Variants in MAP4 observed in about 807,000 individuals in gnomAD.
MAP4 encodes microtubule-associated protein 4.
Under a neutral mutation model 170.2 loss-of-function variants are expected in MAP4, and 76 were observed. The ratio of observed to expected loss-of-function variants is 0.45; its 90% CI spans 0.37 to 0.54. MAP4 has a LOEUF of 0.54. Ranked by LOEUF, MAP4 falls within the 20% of genes least tolerant of loss-of-function variation. MAP4 has a pLI of 0.00. For missense variants in MAP4, 2,506 were observed against 2,748.0 expected, an observed-to-expected ratio of 0.91 and a Z score of 1.97; for synonymous variants, 909 against 994.5, an observed-to-expected ratio of 0.91 and a Z score of 1.62.
At chr3:47,882,144 TG>T (rs1251477133) in intron 10 of MAP4, among the ~76,000 whole-genome samples, 1 of 152,000 alleles carries the variant, frequency 6.6e-6, no homozygotes, top group Non-Finnish European at 1.5e-5. Flanking sequence ...CCGGGCGTTG[TG>T]GTGGGCGCCT....
chr3:47,943,604 TC>T (rs942062128), intron 3 of MAP4, among the ~76,000 whole-genome samples: 3 of 149,150 alleles, frequency 2.0e-5, no homozygotes, highest in South Asian at 2.1e-4. Context: ...CAGGACTCTT[TC>T]CCCCACTCTC....
intron 1 of MAP4, among the ~76,000 whole-genome samples, chr3:48,025,770 C>T (rs2100112741): frequency 6.6e-6 from 1 of 151,624 alleles, no homozygotes; most frequent in Non-Finnish European, 1.5e-5. Flanking sequence ...CGTGGTGGTG[C>T]ACACCCATAA....
chr3:48,022,897 GAA>G (rs35128918), intron 1 of MAP4, among the ~76,000 whole-genome samples: 86 of 150,686 alleles, frequency 5.7e-4, no homozygotes, highest in Middle Eastern at 7.0e-3. Flanking sequence ...TCTCAGGGGG[GAA>G]AAAAAAAAAT....
intron 1 of MAP4, among the ~76,000 whole-genome samples, chr3:48,048,506 C>A (rs1055253467): frequency 1.5e-5 from 1 of 66,994 alleles, no homozygotes; most frequent in Non-Finnish European, 2.5e-5. Flanking sequence ...TCTCAATTAT[C>A]TTTTTTTTTT....
Position 47,856,836 on chromosome 3 carries a change from A to C in MAP4, c.6583+595T>G, listed in dbSNP as rs2057371099. Among the ~76,000 whole-genome samples the C allele has an allele frequency of 2.6e-5, 4 of 152,188 alleles. No homozygotes were observed. In the South Asian group the frequency reaches 8.3e-4, roughly 31 times the overall value. ...GCTGCTACAGCAGTCCTACTCACAA[A>C]TCTGCTGTAGACCCAGGAACTAGGA... On this transcript the variant is annotated intron_variant, in intron 18 of 20. Coordinates refer to ENST00000683076, the MANE Select transcript of MAP4 (RefSeq NM_001385682.1).
chr3:48,016,777 C>T (rs2100108011), upstream of MAP4, among the ~76,000 whole-genome samples: 1 of 95,840 alleles, frequency 1.0e-5, no homozygotes. Flanking sequence ...ATTCTAAAGG[C>T]ATTTTTTTTT....
chr3:47,987,191 G>A (rs1459395693), intron 2 of MAP4, among the ~76,000 whole-genome samples: 3 of 152,132 alleles, frequency 2.0e-5, no homozygotes, highest in Non-Finnish European at 2.9e-5. Flanking sequence ...ACTTGAGGTC[G>A]CTAGTAAACT....
intron 2 of MAP4, among the ~76,000 whole-genome samples, chr3:47,998,369 G>C (rs1322601363): frequency 6.6e-6 from 1 of 152,188 alleles, no homozygotes; most frequent in Non-Finnish European, 1.5e-5. Context: ...AGGCACAGTA[G>C]ACAGTTTAAT....
chr3:48,051,041 TCA>T (rs1251605438), intron 1 of MAP4, among the ~76,000 whole-genome samples: 1 of 151,694 alleles, frequency 6.6e-6, no homozygotes, highest in Non-Finnish European at 1.5e-5. Context: ...CATCTTGGAT[TCA>T]CAGTCTATGC....
chr3:48,044,549 G>C (rs1479282103), intron 1 of MAP4, among the ~76,000 whole-genome samples: 1 of 151,936 alleles, frequency 6.6e-6, no homozygotes. Flanking sequence ...GATCACTTGA[G>C]GTCAGGAGTT....
intron 1 of MAP4, among the ~76,000 whole-genome samples, chr3:48,080,874 G>C (rs1008051936): frequency 6.6e-6 from 1 of 151,844 alleles, no homozygotes; most frequent in African/African-American, 2.4e-5. Context: ...CCTGTAATCC[G>C]AGCACTTTGG....
chr3:48,061,867 C>G lies in MAP4; in HGVS notation c.-20+26906G>C, dbSNP rs1412053807. Among the ~76,000 whole-genome samples, 153 of 149,906 alleles carry G rather than the reference C, an allele frequency of 1.0e-3. 1 individual carries two copies. The highest frequency in any genetic ancestry group is 3.5e-3 in the African/African-American group (142 of 40,838). The stretch of plus-strand genomic sequence containing the variant: ...GGGCAGCCCCCGCCCGGCCAGCCAC[C>G]CCGTCCGGGAGGTGGGGGGCGCCTC... On this transcript the variant is annotated intron_variant, in intron 1 of 18. Transcript: ENST00000360240.
At chr3:47,904,725 T>A (rs1352304702) in intron 9 of MAP4, among the ~76,000 whole-genome samples, 1 of 151,548 alleles carries the variant, frequency 6.6e-6, no homozygotes, top group Non-Finnish European at 1.5e-5. Flanking sequence ...GAGGGCAGTG[T>A]TGTGATCTTG....
chr3:47,979,051 G>A (rs2100083852), intron 2 of MAP4, among the ~76,000 whole-genome samples: 1 of 151,770 alleles, frequency 6.6e-6, no homozygotes, highest in African/African-American at 2.4e-5. Context: ...TAATTTTTAT[G>A]AAGTAGGTCA....
At chr3:48,077,997 T>A (rs1383043197) in intron 1 of MAP4, among the ~76,000 whole-genome samples, 1 of 152,118 alleles carries the variant, frequency 6.6e-6, no homozygotes, top group Non-Finnish European at 1.5e-5. Context: ...AGATGATTAG[T>A]GGTTGCCAGA....
chr3:47,957,738 T>C (rs752146062), intron 3 of MAP4, among the ~76,000 whole-genome samples: 6 of 152,150 alleles, frequency 3.9e-5, no homozygotes, highest in African/African-American at 1.4e-4. Flanking sequence ...CTAATTAAAA[T>C]AGGGAATTGA....
intron 3 of MAP4, among the ~76,000 whole-genome samples, chr3:47,968,372 T>C (rs961095335): frequency 4.6e-5 from 7 of 152,288 alleles, no homozygotes; most frequent in Non-Finnish European, 1.0e-4. Flanking sequence ...CTCCATATAT[T>C]GAAAGGGATT....
rs540861879 is a variant in MAP4, at chr3:48,008,153, G to A, written c.-20+8181C>T. On this transcript the variant is annotated intron_variant, in intron 1 of 20. Coordinates refer to ENST00000683076, the MANE Select transcript of MAP4 (RefSeq NM_001385682.1). ...AAATGGAAGTGGTATATACGTGATC[G>A]GGCTCAAGCACGTCCTGAAGGCACA... is the stretch of plus-strand genomic sequence containing the variant. Among the ~76,000 whole-genome samples the A allele has an allele frequency of 1.3e-3, 199 of 152,240 alleles. 8 individuals are homozygous for A. In the South Asian group the frequency reaches 0.037, roughly 29 times the overall value.
rs1414976239 is a variant in MAP4 at position 47,915,361 on chromosome 3, C to T, written c.1877-422G>A. Among the ~76,000 whole-genome samples, 2 of 152,114 alleles carry T rather than the reference C, an allele frequency of 1.3e-5. 1 individual carries two copies. The highest frequency in any genetic ancestry group is 2.9e-5 in the Non-Finnish European group (2 of 68,026). The stretch of plus-strand genomic sequence containing the variant: ...GAATTCCCGACCTCAGGTGATCCGC[C>T]CACCTCGGCCGCCCAAAGTGCTGGG... On this transcript the variant is annotated intron_variant, in intron 7 of 20. Transcript: ENST00000683076.
Sources: allele counts gnomAD v4.1 joint callset (sites outside exome capture counted in the v4.1 genomes callset), GRCh38; gene constraint gnomAD v4.1.1; transcripts MANE v1.5; gene names NCBI Gene and HGNC (gene_info 2026-07-23, HGNC 2026-07-21).